Variants in AP3B1 observed in about 807,000 individuals in gnomAD.
The protein encoded by AP3B1 is AP-3 complex subunit beta-1.
Under a neutral mutation model 132.5 loss-of-function variants are expected in AP3B1, and 61 were observed. The observed-to-expected ratio is 0.46, with a 90% CI of 0.37 to 0.57. AP3B1 has a LOEUF of 0.57. AP3B1 is among the 20% of genes least tolerant of loss of function. The probability of loss-of-function intolerance (pLI) is 0.00; values close to 1 mark genes in which losing one functional copy is unlikely to be tolerated. For synonymous variants in AP3B1, 388 were observed against 438.3 expected, an observed-to-expected ratio of 0.89 and a Z score of 1.43; for missense variants, 1,120 against 1,289.4, an observed-to-expected ratio of 0.87 and a Z score of 2.01.
intron 7 of AP3B1, among the ~76,000 whole-genome samples, chr5:78,213,405 C>A (rs950740751): frequency 6.6e-6 from 1 of 152,132 alleles, no homozygotes; most frequent in East Asian, 1.9e-4. Flanking sequence ...TCATTTGAAT[C>A]TTAATTTTAT....
chr5:78,146,393 G>C lies in AP3B1; in HGVS notation c.1474-5074C>G, dbSNP rs533463340. Reference sequence around the variant, plus strand: ...CAAGCACTTCAGTTTCCTCAGATACGTTAGATGAGCAGTAACAACTAATTA... The same window carrying C: ...CAAGCACTTCAGTTTCCTCAGATACCTTAGATGAGCAGTAACAACTAATTA... On this transcript the variant is annotated intron_variant, in intron 14 of 26. Coordinates refer to ENST00000255194, the MANE Select transcript of AP3B1 (RefSeq NM_003664.5). 3.9e-5 allele frequency among the ~76,000 whole-genome samples: 6 copies of C among 152,248 alleles called. No individual in the cohort carries two copies. The South Asian group carries it at 1.2e-3, about 32-fold the overall frequency.
At chr5:78,130,432 G>A (rs1752638616) in intron 15 of AP3B1, among the ~76,000 whole-genome samples, 1 of 151,980 alleles carries the variant, frequency 6.6e-6, no homozygotes, top group South Asian at 2.1e-4. Flanking sequence ...TAATTGATTT[G>A]ATAGAAAGCA....
intron 2 of AP3B1, among the ~76,000 whole-genome samples, chr5:78,256,064 C>CA (rs1747834214): frequency 6.6e-6 from 1 of 151,458 alleles, no homozygotes; most frequent in Non-Finnish European, 1.5e-5. Context: ...GTGTCTACAT[C>CA]AAAAAAGAAG....
chr5:78,118,695 C>G (rs145228182), intron 17 of AP3B1, among the ~76,000 whole-genome samples: 46 of 150,246 alleles, frequency 3.1e-4, no homozygotes, highest in Non-Finnish European at 1.5e-4. Flanking sequence ...CTGGATGGAG[C>G]CCACCACAGC....
chr5:78,157,673 T>C (rs972360850), intron 13 of AP3B1, among the ~76,000 whole-genome samples: 5 of 152,218 alleles, frequency 3.3e-5, no homozygotes, highest in Non-Finnish European at 7.3e-5. Context: ...TAGGGCTTCA[T>C]GGCTATTAGG....
chr5:78,281,457 A>C (rs868341077), intron 1 of AP3B1, among the ~76,000 whole-genome samples: 2,211 of 148,314 alleles, frequency 0.015, 58 homozygotes, highest in African/African-American at 0.052. Flanking sequence ...AAAAAAAAAA[A>C]CAGTTCTCAT....
intron 2 of AP3B1, among the ~76,000 whole-genome samples, chr5:78,247,906 C>T (rs1747444730): frequency 6.6e-6 from 1 of 152,084 alleles, no homozygotes; most frequent in Non-Finnish European, 1.5e-5. Flanking sequence ...TTCTGTTCTC[C>T]TACTTCCTCT....
At chr5:78,145,054 G>A (rs956324967) in intron 14 of AP3B1, among the ~76,000 whole-genome samples, 2 of 152,124 alleles carry the variant, frequency 1.3e-5, no homozygotes, top group African/African-American at 4.8e-5. Flanking sequence ...CATAAATGAA[G>A]GATACGCCAA....
intron 15 of AP3B1, among the ~76,000 whole-genome samples, chr5:78,132,136 T>A (rs1752714209): frequency 6.6e-6 from 1 of 152,166 alleles, no homozygotes; most frequent in Non-Finnish European, 1.5e-5. Context: ...TATACTAATA[T>A]CAGTAAATGT....
chr5:78,182,420 T>C (rs748473664), intron 7 of AP3B1, among the ~76,000 whole-genome samples: 23 of 152,156 alleles, frequency 1.5e-4, no homozygotes, highest in Admixed American at 3.3e-4. Flanking sequence ...TCTCACTAAG[T>C]AGAGATCTAG....
intron 3 of AP3B1, among the ~76,000 whole-genome samples, chr5:78,239,642 G>C (rs934118301): frequency 4.6e-5 from 7 of 151,724 alleles, no homozygotes; most frequent in Admixed American, 1.3e-4. Context: ...AGCCAAGCAT[G>C]GTTGTAAGCG....
rs971123510 is a variant in AP3B1 at position 78,103,574 on chromosome 5, T to C, written c.2398-2549A>G. Reference sequence around the variant, plus strand: ...CTTGAGAAGAGATCAGGCAGAAAGATAGACAATTTGTTTTTGTATATTTTT... The same window carrying C: ...CTTGAGAAGAGATCAGGCAGAAAGACAGACAATTTGTTTTTGTATATTTTT... On this transcript the variant is annotated intron_variant, in intron 20 of 26. Coordinates refer to ENST00000255194, the MANE Select transcript of AP3B1 (RefSeq NM_003664.5). 4.6e-5 allele frequency among the ~76,000 whole-genome samples: 7 copies of C among 152,180 alleles called. No individual in the cohort carries two copies. The South Asian group carries it at 1.2e-3, about 27-fold the overall frequency.
At chr5:78,190,884 G>A (rs1246123716) in intron 7 of AP3B1, among the ~76,000 whole-genome samples, 2 of 152,000 alleles carry the variant, frequency 1.3e-5, no homozygotes, top group Admixed American at 1.3e-4. Context: ...TGCCAAATAT[G>A]AAAAAAAGTT....
At chr5:78,167,626 T>TAC (rs201989787) in intron 11 of AP3B1, among the ~76,000 whole-genome samples, 4,243 of 142,860 alleles carry the variant, frequency 0.03, 108 homozygotes, top group East Asian at 0.12. Context: ...GAACATGTTA[T>TAC]ATATATACAC....
At chr5:78,061,744 C>T (rs1292034027) in intron 22 of AP3B1, among the ~76,000 whole-genome samples, 1 of 152,156 alleles carries the variant, frequency 6.6e-6, no homozygotes, top group African/African-American at 2.4e-5. Context: ...TATGAAGAGC[C>T]CCTCTTTCAC....
chr5:78,128,278 A>G lies in AP3B1; in HGVS notation c.1838-118T>C, dbSNP rs1752548854. 3 of 936,560 alleles carry G rather than the reference A, an allele frequency of 3.2e-6. No individual in the cohort carries two copies. The South Asian group carries it at 4.5e-5, about 14-fold the overall frequency. The allele number at this position is 936,560 out of a possible 1,614,324, so 58.0% of individuals were successfully genotyped here. On this transcript the variant is annotated intron_variant, in intron 16 of 26. Transcript: ENST00000255194. ...ACCTCAAATGTCAAGGAATAAATAT[A>G]GACTAGGAAGCTCTTCATAGGTCAA...
chr5:78,088,680 G>C (rs999502216), intron 22 of AP3B1, among the ~76,000 whole-genome samples: 4 of 152,236 alleles, frequency 2.6e-5, no homozygotes, highest in South Asian at 2.1e-4. Flanking sequence ...CTGTCTCTTA[G>C]TCTGTCAGAT....
intron 25 of AP3B1, among the ~76,000 whole-genome samples, chr5:78,019,062 A>G (rs2112062197): frequency 6.6e-6 from 1 of 152,282 alleles, no homozygotes; most frequent in East Asian, 1.9e-4. Context: ...CTTCATATAA[A>G]CAAATTTTCA....
chr5:78,134,019 C>A, intron 15 of AP3B1, among the ~76,000 whole-genome samples: 1 of 151,690 alleles, frequency 6.6e-6, no homozygotes, highest in Non-Finnish European at 1.5e-5. Flanking sequence ...GGCATGGTGG[C>A]GGGCACCCGT....
Sources: allele counts gnomAD v4.1 joint callset (sites outside exome capture counted in the v4.1 genomes callset), GRCh38; gene constraint gnomAD v4.1.1; transcripts MANE v1.5; gene names NCBI Gene and HGNC (gene_info 2026-07-23, HGNC 2026-07-21).